Variants in MCPH1 observed in about 807,000 individuals in gnomAD.
MCPH1 encodes microcephalin.
A neutral mutation model predicts 84.5 loss-of-function variants in MCPH1; 104 were observed. The observed-to-expected ratio is 1.23, with a 90% CI of 1.05 to 1.45. The LOEUF is 1.45. Ranked by LOEUF, MCPH1 falls within the 40% of genes most tolerant of loss-of-function variation. MCPH1 has a pLI of 0.00. For missense variants in MCPH1, 1,498 were observed against 1,005.7 expected (o/e 1.49, Z -6.62); for synonymous variants, 514 against 366.8 (o/e 1.40, Z -4.58).
intron 13 of MCPH1, chr8:6,625,906 A>G (rs1441563055): frequency 1.0e-6 from 1 of 985,316 alleles, no homozygotes; most frequent in Non-Finnish European, 1.2e-6. Flanking sequence ...TTTAGCCACT[A>G]GGAACCTCTC....
At chr8:6,523,672 C>T (rs138320104) in intron 12 of MCPH1, among the ~76,000 whole-genome samples, 1 of 152,158 alleles carries the variant, frequency 6.6e-6, no homozygotes, top group Admixed American at 6.5e-5. Flanking sequence ...TCGCTGCAAC[C>T]TCCGCCTCCC....
intron 8 of MCPH1, chr8:6,446,161 C>G: frequency 1.1e-6 from 1 of 888,720 alleles, no homozygotes; most frequent in Non-Finnish European, 1.3e-6. Flanking sequence ...AAGGTTTACT[C>G]CTATTCATAA....
chr8:6,443,113 G>A (rs542844626), intron 7 of MCPH1, among the ~76,000 whole-genome samples: 3 of 152,210 alleles, frequency 2.0e-5, no homozygotes, highest in Admixed American at 6.5e-5. Flanking sequence ...TCTCCCATTA[G>A]CCTTAAGAGG....
At chr8:6,492,295 A>G (rs142727670) in intron 11 of MCPH1, among the ~76,000 whole-genome samples, 4,080 of 152,240 alleles carry the variant, frequency 0.027, 178 homozygotes, top group African/African-American at 0.092. Context: ...GTGTCTGTTC[A>G]TATCCTTCGC....
chr8:6,440,521 G>A (rs2129555144), intron 6 of MCPH1, among the ~76,000 whole-genome samples: 1 of 152,170 alleles, frequency 6.6e-6, no homozygotes, highest in East Asian at 1.9e-4. Flanking sequence ...CACGATCCCT[G>A]GCTTATTGAT....
chr8:6,418,126 TCTTA>T (rs1478236625), intron 3 of MCPH1, among the ~76,000 whole-genome samples: 4 of 152,168 alleles, frequency 2.6e-5, no homozygotes, highest in African/African-American at 7.2e-5. Flanking sequence ...CCTATGGTTC[TCTTA>T]CTTCCTGAGT....
chr8:6,529,152 T>C (rs1445887829), intron 12 of MCPH1, among the ~76,000 whole-genome samples: 1 of 152,230 alleles, frequency 6.6e-6, no homozygotes, highest in Non-Finnish European at 1.5e-5. Context: ...ATCACTTTTC[T>C]GGAGAGCATC....
At chr8:6,528,687 T>A (rs1049446866) in intron 12 of MCPH1, among the ~76,000 whole-genome samples, 2 of 152,226 alleles carry the variant, frequency 1.3e-5, no homozygotes, top group African/African-American at 4.8e-5. Context: ...AATCGACTAC[T>A]CACTTCCTCC....
intron 12 of MCPH1, among the ~76,000 whole-genome samples, chr8:6,612,531 C>T (rs567960199): frequency 2.0e-5 from 3 of 152,190 alleles, no homozygotes; most frequent in Non-Finnish European, 4.4e-5. Context: ...GTGCCTGCCC[C>T]GCTCAGTGCA....
chr8:6,552,464 A>T (rs1823821766), intron 12 of MCPH1, among the ~76,000 whole-genome samples: 1 of 152,216 alleles, frequency 6.6e-6, no homozygotes, highest in Admixed American at 6.5e-5. Context: ...TCGAGTAAAC[A>T]TGTGCTTTGA....
chr8:6,588,359 T>C (rs1440227988), intron 12 of MCPH1, among the ~76,000 whole-genome samples: 1 of 151,334 alleles, frequency 6.6e-6, no homozygotes, highest in Non-Finnish European at 1.5e-5. Context: ...TTTTTTTAAG[T>C]GTAAAATGGG....
At chr8:6,480,233 G>A (rs1171878691) in intron 10 of MCPH1, among the ~76,000 whole-genome samples, 2 of 151,170 alleles carry the variant, frequency 1.3e-5, no homozygotes, top group South Asian at 2.1e-4. Flanking sequence ...AAGCTATTCT[G>A]TCTGCCTCAG....
chr8:6,598,849 G>A (rs2442570), intron 12 of MCPH1, among the ~76,000 whole-genome samples: 127,266 of 152,232 alleles, frequency 0.84, 54,972 homozygotes, highest in Non-Finnish European at 0.96. Flanking sequence ...GCGGCTTCCC[G>A]CCCGATGCAT....
chr8:6,527,760 C>G, intron 12 of MCPH1: 6 of 1,260,858 alleles, frequency 4.8e-6, no homozygotes, highest in Non-Finnish European at 6.5e-6. Context: ...AGTACCCAAG[C>G]TACAGGAAAA....
intron 12 of MCPH1, among the ~76,000 whole-genome samples, chr8:6,528,318 T>A (rs2515464): frequency 6.6e-6 from 1 of 152,066 alleles, no homozygotes; most frequent in Non-Finnish European, 1.5e-5. Flanking sequence ...AGTAGGAGTA[T>A]AAAATGGTCA....
intron 13 of MCPH1, among the ~76,000 whole-genome samples, chr8:6,628,219 C>T (rs191055576): frequency 2.4e-4 from 36 of 152,144 alleles, no homozygotes; most frequent in Admixed American, 2.0e-3. Flanking sequence ...TCCCGTCATC[C>T]CAGCACTTTG....
intron 5 of MCPH1, among the ~76,000 whole-genome samples, chr8:6,436,995 T>C (rs1282510307): frequency 6.6e-6 from 1 of 152,012 alleles, no homozygotes; most frequent in East Asian, 1.9e-4. Flanking sequence ...TTATGAAACA[T>C]TAAGATGCTT....
At chr8:6,531,100 C>T (rs1053574574) in intron 12 of MCPH1, among the ~76,000 whole-genome samples, 1 of 151,988 alleles carries the variant, frequency 6.6e-6, no homozygotes, top group Non-Finnish European at 1.5e-5. Flanking sequence ...GCTTGGCCGC[C>T]GAGAGTCACG....
intron 13 of MCPH1, chr8:6,622,067 G>C: frequency 2.8e-6 from 1 of 361,898 alleles, no homozygotes; most frequent in South Asian, 2.2e-5. Flanking sequence ...GTCCCTGGCA[G>C]CGCCCGGCAC....
Sources: gnomAD v4.1 joint callset for allele counts (sites outside exome capture counted in the v4.1 genomes callset) on GRCh38, gnomAD v4.1.1 for gene constraint, MANE v1.5 for transcripts, NCBI Gene and HGNC (gene_info 2026-07-23, HGNC 2026-07-21) for gene names.